KCNQ1: variants seen among roughly 807,000 people sequenced by gnomAD.
KCNQ1 encodes potassium voltage-gated channel subfamily KQT member 1.
A neutral mutation model predicts 72.4 loss-of-function variants in KCNQ1; 49 were observed. That is an observed-to-expected ratio of 0.68 (90% confidence interval 0.54 to 0.86). KCNQ1 has a LOEUF of 0.86. Among genes scored for constraint, KCNQ1 ranks in the 40% least tolerant of loss-of-function variants. The probability of loss-of-function intolerance (pLI) is 0.00; values close to 1 mark genes in which losing one functional copy is unlikely to be tolerated. For synonymous variants in KCNQ1, 450 were observed against 412.6 expected (o/e 1.09, Z -1.10); for missense variants, 790 against 945.1 (o/e 0.84, Z 2.15).
At chr11:2,640,327 C>A (rs4930143) in intron 10 of KCNQ1, 1 of 398,264 alleles carries the variant, frequency 2.5e-6, no homozygotes, top group Non-Finnish European at 4.4e-6. Flanking sequence ...ACTGGAGCTC[C>A]TCCTATTCGG....
chr11:2,802,077 C>T (rs1181832396), intron 15 of KCNQ1, among the ~76,000 whole-genome samples: 1 of 152,236 alleles, frequency 6.6e-6, no homozygotes, highest in Non-Finnish European at 1.5e-5. Context: ...TGGGCACATT[C>T]ACCCAGACTC....
intron 1 of KCNQ1, among the ~76,000 whole-genome samples, chr11:2,487,663 A>G (rs1284690500): frequency 1.3e-5 from 2 of 151,958 alleles, no homozygotes; most frequent in Non-Finnish European, 2.9e-5. Flanking sequence ...TCATTTTTAG[A>G]TTGTTCATTG....
rs1220754846 is a variant in KCNQ1 at position 2,661,728 on chromosome 11, G to A, written c.1394-233G>A. 1.4e-4 allele frequency: 85 copies of A among 617,704 alleles called. No homozygotes were observed. Among genetic ancestry groups the A allele is most frequent in the East Asian group, 3.0e-4 (11 of 36,584 alleles). The allele number at this position is 617,704 out of a possible 1,614,324, so 38.3% of individuals were successfully genotyped here. The stretch of plus-strand genomic sequence containing the variant: ...CAGCCCCAGGCACAGTTACCACTCC[G>A]AAGATGATTCACTGGCCTTTATTCT... On this transcript the variant is annotated intron_variant, in intron 10 of 15. Transcript: ENST00000155840. The surrounding 1 kb of genome is among the most constrained non-coding windows in gnomAD (Gnocchi z 5.9).
At chr11:2,605,049 G>A (rs531004656) in intron 10 of KCNQ1, among the ~76,000 whole-genome samples, 5 of 152,304 alleles carry the variant, frequency 3.3e-5, no homozygotes, top group East Asian at 3.9e-4. Flanking sequence ...GACTACTCAC[G>A]TTGAGCATCT....
In KCNQ1 at chr11:2,482,788, A is replaced by G. The variant is rs1589905447; in HGVS notation, c.386+37304A>G. On this transcript the variant is annotated intron_variant, in intron 1 of 15. Transcript: ENST00000155840. This position sits in a 1 kb window ranked among gnomAD's most constrained non-coding sequence, Gnocchi z 5.7. The stretch of plus-strand genomic sequence containing the variant: ...TTGTTGAGCTCTTTGTATTTTAGCC[A>G]CCCATTCACTGGCCCACCTGCCCCT... 6.6e-6 allele frequency among the ~76,000 whole-genome samples: 1 copy of G among 152,082 alleles called. No homozygotes were observed. The highest frequency in any genetic ancestry group is 6.6e-5 in the Admixed American group (1 of 15,264).
Position 2,570,650 on chromosome 11 carries a change from T to C in KCNQ1, c.500T>C (p.Phe167Ser). The stretch of plus-strand genomic sequence containing the variant: ...CAGGAGATCGTGCTGGTGGTGTTCT[T>C]CGGGACGGAGTACGTGGTCCGCCTC... ...FWMEIVLVVF[F>S]GTEYVVRLWS... Residue 167 changes from phenylalanine to serine, a missense_variant, in exon 3 of 16, where the codon TTC becomes TCC. Transcript: ENST00000155840. 6.2e-7 allele frequency: 1 copy of C among 1,612,718 alleles called. No homozygotes were observed.
intron 6 of KCNQ1, among the ~76,000 whole-genome samples, chr11:2,581,240 C>T (rs1328695067): frequency 6.6e-6 from 1 of 152,234 alleles, no homozygotes; most frequent in Non-Finnish European, 1.5e-5. Flanking sequence ...TTGCTGTAGA[C>T]TTGGTAAACA....
chr11:2,838,998 C>CG (rs1848145920), intron 15 of KCNQ1, among the ~76,000 whole-genome samples: 1 of 141,292 alleles, frequency 7.1e-6, no homozygotes, highest in Non-Finnish European at 1.5e-5. Context: ...GAGCCCTGCC[C>CG]GGGGTTGCAC....
chr11:2,638,984 C>T (rs1196348737), intron 10 of KCNQ1: 1 of 152,200 alleles, frequency 6.6e-6, no homozygotes, highest in Non-Finnish European at 1.5e-5. Flanking sequence ...TCACCGATAT[C>T]CTTTCTTCCA....
At chr11:2,717,088 G>A (rs920729250) in intron 11 of KCNQ1, among the ~76,000 whole-genome samples, 2 of 152,160 alleles carry the variant, frequency 1.3e-5, no homozygotes, top group Admixed American at 6.5e-5. Context: ...TGAAGTGGCC[G>A]GGGCTCTGCT....
chr11:2,586,244 CT>C (rs1400063684), intron 8 of KCNQ1, among the ~76,000 whole-genome samples: 11 of 152,228 alleles, frequency 7.2e-5, no homozygotes, highest in Non-Finnish European at 1.5e-5. Context: ...GGCGTCCCCC[CT>C]GCAGTCCTCG....
At chr11:2,700,569 C>T (rs1401010302) in intron 11 of KCNQ1, among the ~76,000 whole-genome samples, 2 of 152,224 alleles carry the variant, frequency 1.3e-5, no homozygotes, top group African/African-American at 2.4e-5. Context: ...CCCCTCCCAG[C>T]GGGTCCATGC....
At position 2,808,383 on chromosome 11, in the gene KCNQ1, C is replaced by T. The variant is rs1235657617; in HGVS notation, c.1794+30346C>T. On this transcript the variant is annotated intron_variant, in intron 15 of 15. Coordinates refer to ENST00000155840, the MANE Select transcript of KCNQ1 (RefSeq NM_000218.3). The surrounding 1 kb of genome is among the most constrained non-coding windows in gnomAD (Gnocchi z 6.0). ...ATTACAGACCAGGAAAATTACTGTG[C>T]AGGAGCAAAGCAGGGCACTGTGCCG... Among the ~76,000 whole-genome samples, 1 of 152,174 alleles carries T rather than the reference C, an allele frequency of 6.6e-6. No homozygotes were observed. Among genetic ancestry groups the T allele is most frequent in the Non-Finnish European group, 1.5e-5 (1 of 68,038 alleles).
chr11:2,797,603 G>A (rs1332833373), intron 15 of KCNQ1, among the ~76,000 whole-genome samples: 3 of 152,012 alleles, frequency 2.0e-5, no homozygotes, highest in African/African-American at 2.4e-5. Flanking sequence ...GCATCTGACC[G>A]CCTTCTTGTA....
rs540767755 is a variant in KCNQ1, at chr11:2,823,368, A to G, written c.1795-24399A>G. ...CAGTAAAGACATTTTCAGATACTCAAGAACTTATAAAATTTTTCCAAGTCA... is the reference window on the plus strand; with the variant it reads ...CAGTAAAGACATTTTCAGATACTCAGGAACTTATAAAATTTTTCCAAGTCA... On this transcript the variant is annotated intron_variant, in intron 15 of 15. Coordinates refer to ENST00000155840, the MANE Select transcript of KCNQ1 (RefSeq NM_000218.3). Among the ~76,000 whole-genome samples the G allele has an allele frequency of 2.6e-5, 4 of 152,372 alleles. No individual in the cohort carries two copies. The South Asian group carries it at 8.3e-4, about 32-fold the overall frequency.
rs1406499890 is a variant in KCNQ1, at chr11:2,752,590, G to A, written c.1515-16254G>A. On this transcript the variant is annotated intron_variant, in intron 11 of 15. Transcript: ENST00000155840. This position sits in a 1 kb window ranked among gnomAD's most constrained non-coding sequence, Gnocchi z 5.2. The stretch of plus-strand genomic sequence containing the variant: ...TCTGATTCATGGAAGTCAGCGGGCT[G>A]TGTCCTCACGTGGCAGAAGAGGCAA... Among the ~76,000 whole-genome samples, 1 of 152,174 alleles carries A rather than the reference G, an allele frequency of 6.6e-6. No homozygotes were observed. Among genetic ancestry groups the A allele is most frequent in the African/African-American group, 2.4e-5 (1 of 41,430 alleles).
In KCNQ1 at chr11:2,737,933, G is replaced by A. The variant is rs556610719; in HGVS notation, c.1515-30911G>A. Among the ~76,000 whole-genome samples the A allele has an allele frequency of 3.3e-5, 5 of 152,322 alleles. No homozygotes were observed. The East Asian group carries it at 9.7e-4, about 29-fold the overall frequency. ...CCCTGCCCAGGGGAGGCACACCTGG[G>A]GGCACAGAATGACACTGGGTCCTCT... On this transcript the variant is annotated intron_variant, in intron 11 of 15. Transcript: ENST00000155840.
rs755122472 is a variant in KCNQ1 at position 2,615,890 on chromosome 11, CAA to C, written c.1393+27038_1393+27039del. 9.3e-4 allele frequency: 369 copies of C among 397,974 alleles called. No individual in the cohort carries two copies. The highest frequency in any genetic ancestry group is 1.3e-3 in the Non-Finnish European group (299 of 225,682). The allele number at this position is 397,974 out of a possible 1,614,324, so 24.7% of individuals were successfully genotyped here. A position where few individuals can be genotyped will look rare whatever the true frequency, so the allele number is the denominator to read the frequency against. ...AATACTGGCCTCATAGAATGTATTGCAAAGTTTTTTCTCCTCTGTTTTTTGGA... is the reference window on the plus strand; with the variant it reads ...AATACTGGCCTCATAGAATGTATTGCAGTTTTTTCTCCTCTGTTTTTTGGA... On this transcript the variant is annotated intron_variant, in intron 10 of 15. Coordinates refer to ENST00000155840, the MANE Select transcript of KCNQ1 (RefSeq NM_000218.3).
Position 2,450,632 on chromosome 11 carries a change from G to A in KCNQ1, c.386+5148G>A, listed in dbSNP as rs1031383857. Among the ~76,000 whole-genome samples the A allele has an allele frequency of 1.3e-5, 2 of 152,022 alleles. No homozygotes were observed. Among genetic ancestry groups the A allele is most frequent in the Admixed American group, 6.5e-5 (1 of 15,268 alleles). ...TCCCTGCGGGCACGTCGGTGAGACC[G>A]TCCTGGCCTCCACACCCCTTCCTGG... is the stretch of plus-strand genomic sequence containing the variant. On this transcript the variant is annotated intron_variant, in intron 1 of 15. Coordinates refer to ENST00000155840, the MANE Select transcript of KCNQ1 (RefSeq NM_000218.3). This position sits in a 1 kb window ranked among gnomAD's most constrained non-coding sequence, Gnocchi z 7.9.
Sources: gnomAD v4.1 joint callset for allele counts (sites outside exome capture counted in the v4.1 genomes callset) on GRCh38, gnomAD v4.1.1 for gene constraint, Gnocchi (gnomAD v3.1) non-coding constraint, MANE v1.5 for transcripts, NCBI Gene and HGNC (gene_info 2026-07-23, HGNC 2026-07-21) for gene names.